CFAP44: variants seen among roughly 807,000 people sequenced by gnomAD.
The protein encoded by CFAP44 is cilia- and flagella-associated protein 44.
In CFAP44, 134 loss-of-function variants were observed where a neutral mutation model predicts 216.2. The observed-to-expected ratio is 0.62, with a 90% confidence interval of 0.54 to 0.72. The LOEUF (loss-of-function observed/expected upper bound fraction) is 0.72. Among genes scored for constraint, CFAP44 ranks in the 30% least tolerant of loss-of-function variants. The pLI is 0.00. For missense variants in CFAP44, 2,035 were observed against 2,182.1 expected, an observed-to-expected ratio of 0.93 and a Z score of 1.34; for synonymous variants, 700 against 727.6, an observed-to-expected ratio of 0.96 and a Z score of 0.61.
At chr3:113,293,951 C>T (rs1949855884) in intron 34 of CFAP44, 2 of 456,020 alleles carry the variant, frequency 4.4e-6, no homozygotes, top group Admixed American at 2.4e-5. Context: ...TTAGCACCTG[C>T]ATTTTAAACA....
chr3:113,340,606 C>T (rs2107818698), intron 24 of CFAP44, among the ~76,000 whole-genome samples: 1 of 152,318 alleles, frequency 6.6e-6, no homozygotes, highest in Admixed American at 6.5e-5. Context: ...ATTGCTCAAA[C>T]CTCTAGGGGA....
intron 22 of CFAP44, among the ~76,000 whole-genome samples, chr3:113,354,048 C>T (rs1399540605): frequency 1.3e-5 from 2 of 151,128 alleles, no homozygotes; most frequent in African/African-American, 2.4e-5. Context: ...CTAAAGGCTG[C>T]TCTGATCTCA....
chr3:113,358,345 G>A (rs910344965), intron 22 of CFAP44, among the ~76,000 whole-genome samples: 1 of 151,740 alleles, frequency 6.6e-6, no homozygotes, highest in Non-Finnish European at 1.5e-5. Context: ...ACATTCCCCT[G>A]GAAGTCAAAT....
intron 23 of CFAP44, among the ~76,000 whole-genome samples, chr3:113,343,542 T>C (rs1479165771): frequency 6.6e-6 from 1 of 152,250 alleles, no homozygotes; most frequent in Non-Finnish European, 1.5e-5. Flanking sequence ...TGTGTGGTCA[T>C]GGGAAGGCCT....
chr3:113,381,593 C>T (rs951198492), intron 15 of CFAP44, among the ~76,000 whole-genome samples: 2 of 152,198 alleles, frequency 1.3e-5, no homozygotes, highest in African/African-American at 4.8e-5. Flanking sequence ...ACCTTCATTA[C>T]CACTTACATG....
At chr3:113,308,046 G>T (rs1950003043) in intron 29 of CFAP44, 112 bp downstream of exon 29, 1 of 730,494 alleles carries the variant, frequency 1.4e-6, no homozygotes, top group South Asian at 2.0e-5. Context: ...CATACATTTT[G>T]AACTATCCTT....
At chr3:113,343,997 GAA>G (rs1950358509) in intron 23 of CFAP44, among the ~76,000 whole-genome samples, 1 of 152,216 alleles carries the variant, frequency 6.6e-6, no homozygotes, top group Non-Finnish European at 1.5e-5. Flanking sequence ...GCAGCCAGAA[GAA>G]ACAGGTTGCA....
rs971265088 is a variant in CFAP44 at position 113,427,269 on chromosome 3, T to C, written c.171A>G (p.Ser57=). Residue 57 remains serine (S), a synonymous_variant, in exon 3 of 35, where the codon TCA becomes TCG. Coordinates refer to ENST00000393845, the MANE Select transcript of CFAP44 (RefSeq NM_001164496.2). ...CCTCATCTGAGTCTTCTTCTAAATATGATCCTTCCCCTTTGGTAAATGTTT... is the reference window on the plus strand; with the variant it reads ...CCTCATCTGAGTCTTCTTCTAAATACGATCCTTCCCCTTTGGTAAATGTTT... The part of the protein sequence containing the change: ...TDETFTKGEG[S]YLEEDSDEER... 4 of 1,613,574 alleles carry C rather than the reference T, an allele frequency of 2.5e-6. No homozygotes were observed. Among genetic ancestry groups the C allele is most frequent in the Non-Finnish European group, 2.5e-6 (3 of 1,179,740 alleles).
intron 18 of CFAP44, among the ~76,000 whole-genome samples, chr3:113,371,926 C>G (rs933232935): frequency 7.9e-5 from 12 of 152,156 alleles, no homozygotes; most frequent in Admixed American, 1.3e-4. Flanking sequence ...AGGATATGAA[C>G]AGACACTTCT....
chr3:113,441,379 G>A, intron 1 of CFAP44, 74 bp downstream of exon 1: 1 of 985,466 alleles, frequency 1.0e-6, no homozygotes, highest in Non-Finnish European at 1.2e-6. Flanking sequence ...GCCCAAGTGG[G>A]GTTCACTGCC....
At position 113,333,422 on chromosome 3, in the gene CFAP44, C is replaced by T; in HGVS notation, c.3599G>A (p.Gly1200Glu). The T allele has an allele frequency of 6.5e-7, 1 of 1,536,884 alleles. No individual in the cohort carries two copies. Among genetic ancestry groups the T allele is most frequent in the East Asian group, 2.4e-5 (1 of 40,884 alleles). Residue 1200 changes from glycine (G) to glutamate (E), a missense_variant, in exon 25 of 35, where the codon GGA becomes GAA. Gly to Glu is a moderately conservative substitution (Grantham distance 98). This residue lies in a region of CFAP44 where 1,883 missense variants were observed against 2,023.7 expected (regional missense o/e 0.93). Transcript: ENST00000393845. The stretch of plus-strand genomic sequence containing the variant: ...GATAAGTACCAAAGAATCTAGGTGT[C>T]CTAGTTCCTCTTCCTTCTTGGCAGC... ...INAAKKEEEL[G>E]HLDSLVHGNK...
At position 113,344,546 on chromosome 3, in the gene CFAP44, G is replaced by T; in HGVS notation, c.3232C>A (p.Pro1078Thr). 1 of 1,536,856 alleles carries T rather than the reference G, an allele frequency of 6.5e-7. No individual in the cohort carries two copies. Among genetic ancestry groups the T allele is most frequent in the South Asian group, 1.2e-5 (1 of 84,006 alleles). Residue 1078 changes from proline (P) to threonine (T), a missense_variant, in exon 23 of 35, where the codon CCT becomes ACT. Pro to Thr is a conservative substitution (Grantham distance 38). Coordinates refer to ENST00000393845, the MANE Select transcript of CFAP44 (RefSeq NM_001164496.2). ...SKLDRFEKEG[P>T]GRKDSQRDAG... ...TCTCTCTGGCTGTCCTTTCTTCCAG[G>T]TCCCTCTTTTTCAAACCTGTCCAAT...
chr3:113,399,307 G>A (rs146825265), intron 13 of CFAP44, among the ~76,000 whole-genome samples: 1 of 152,190 alleles, frequency 6.6e-6, no homozygotes, highest in South Asian at 2.1e-4. Context: ...AAGACTACAT[G>A]AGCAAAATAA....
chr3:113,379,216 TTAACA>T (rs974201624), intron 17 of CFAP44, 85 bp downstream of exon 17: 16 of 986,430 alleles, frequency 1.6e-5, no homozygotes, highest in African/African-American at 3.3e-5. Context: ...AAATGAAATC[TTAACA>T]TAAGAGTAAG....
chr3:113,408,271 A>G (rs888434140), intron 7 of CFAP44, among the ~76,000 whole-genome samples: 1 of 152,234 alleles, frequency 6.6e-6, no homozygotes, highest in African/African-American at 2.4e-5. Flanking sequence ...AGACAAGATC[A>G]TTCCATCCCG....
At chr3:113,339,634 C>T (rs554024952) in intron 24 of CFAP44, among the ~76,000 whole-genome samples, 3 of 152,148 alleles carry the variant, frequency 2.0e-5, no homozygotes, top group Admixed American at 6.5e-5. Flanking sequence ...GTGCCTGTTG[C>T]CTGGCTTTGG....
Position 113,377,699 on chromosome 3 carries a change from C to T in CFAP44, c.2298+1607G>A, listed in dbSNP as rs141358352. Among the ~76,000 whole-genome samples, 1,321 of 152,178 alleles carry T rather than the reference C, an allele frequency of 8.7e-3. 16 individuals are homozygous for T. Among genetic ancestry groups the T allele is most frequent in the African/African-American group, 0.022 (897 of 41,510 alleles). On this transcript the variant is annotated intron_variant, in intron 17 of 34. Coordinates refer to ENST00000393845, the MANE Select transcript of CFAP44 (RefSeq NM_001164496.2). ...GACAGAGTCTTGCTCTGTCACCAGGCTGGAGTGTAGTGGCACAATCTCGGC... is the reference window on the plus strand; with the variant it reads ...GACAGAGTCTTGCTCTGTCACCAGGTTGGAGTGTAGTGGCACAATCTCGGC...
intron 29 of CFAP44, 30 bp downstream of exon 29, chr3:113,308,128 A>G (rs1245994200): frequency 6.7e-7 from 1 of 1,497,010 alleles, no homozygotes; most frequent in East Asian, 2.5e-5. Context: ...TTCACACTTC[A>G]CAGAGAACAC....
At chr3:113,351,089 C>T (rs1950440949) in intron 22 of CFAP44, among the ~76,000 whole-genome samples, 1 of 152,122 alleles carries the variant, frequency 6.6e-6, no homozygotes, top group Non-Finnish European at 1.5e-5. Context: ...AATGGGTCCG[C>T]TCAAATGTGT....
Sources: allele counts gnomAD v4.1 joint callset (sites outside exome capture counted in the v4.1 genomes callset), GRCh38; gene constraint gnomAD v4.1.1; regional missense constraint gnomAD v4.1.1; transcripts MANE v1.5; gene names NCBI Gene and HGNC (gene_info 2026-07-23, HGNC 2026-07-21).